PSEN1: variants seen among roughly 807,000 people sequenced by gnomAD.
The protein encoded by PSEN1 is presenilin-1.
In PSEN1, 15 loss-of-function variants were observed where a neutral mutation model predicts 53.5. The ratio of observed to expected loss-of-function variants is 0.28; its 90% CI spans 0.19 to 0.43. The LOEUF (loss-of-function observed/expected upper bound fraction) is 0.43. Among genes scored for constraint, PSEN1 ranks in the 20% least tolerant of loss-of-function variants. PSEN1 has a pLI of 1.00. For missense variants in PSEN1, 387 were observed against 571.2 expected (o/e 0.68, Z 3.29); for synonymous variants, 208 against 209.8 (o/e 0.99, Z 0.08).
chr14:73,210,151 A>G (rs1336760145), intron 9 of PSEN1, among the ~76,000 whole-genome samples: 1 of 152,212 alleles, frequency 6.6e-6, no homozygotes, highest in East Asian at 1.9e-4. Context: ...AAGAACTGAG[A>G]GATTACCTGA....
intron 3 of PSEN1, among the ~76,000 whole-genome samples, chr14:73,151,894 A>ATTTTTT (rs56754992): frequency 7.7e-5 from 3 of 38,976 alleles, no homozygotes; most frequent in Non-Finnish European, 1.2e-4. Flanking sequence ...ATATATATAT[A>ATTTTTT]TTTTTTTTTT....
intron 5 of PSEN1, among the ~76,000 whole-genome samples, chr14:73,176,153 A>G (rs1283579121): frequency 1.3e-5 from 2 of 152,248 alleles, no homozygotes; most frequent in African/African-American, 2.4e-5. Flanking sequence ...ATGTATGGAG[A>G]CCATTAAAGA....
chr14:73,192,704 G>C lies in PSEN1; in HGVS notation c.609G>C (p.Trp203Cys), dbSNP rs1384308168. Residue 203 changes from tryptophan to cysteine, a missense_variant, in exon 7 of 12, where the codon TGG becomes TGC. By Grantham distance (215) the Trp-to-Cys change is radical (BLOSUM62 -2). Transcript: ENST00000324501. Reference sequence around the variant, plus strand: ...ACATTACTGTTGCACTCCTGATCTGGAATTTTGGTGTGGTGGGAATGATTT... The same window carrying C: ...ACATTACTGTTGCACTCCTGATCTGCAATTTTGGTGTGGTGGGAATGATTT... The part of the protein sequence containing the change: ...VDYITVALLI[W>C]NFGVVGMISI... The C allele has an allele frequency of 1.2e-6, 2 of 1,614,050 alleles. No homozygotes were observed. The highest frequency in any genetic ancestry group is 1.7e-6 in the Non-Finnish European group (2 of 1,179,998).
intron 8 of PSEN1, among the ~76,000 whole-genome samples, chr14:73,204,805 G>A (rs12433115): frequency 6.6e-6 from 1 of 152,128 alleles, no homozygotes; most frequent in Non-Finnish European, 1.5e-5. Flanking sequence ...GGGAGGCTGA[G>A]GCGGGAGGAT....
At chr14:73,154,224 C>T (rs1313603595) in intron 3 of PSEN1, among the ~76,000 whole-genome samples, 1 of 152,102 alleles carries the variant, frequency 6.6e-6, no homozygotes, top group African/African-American at 2.4e-5. Flanking sequence ...AAAACGTTAG[C>T]ATTTGGGGTG....
At chr14:73,197,545 C>T (rs1321710782) in intron 7 of PSEN1, among the ~76,000 whole-genome samples, 1 of 152,172 alleles carries the variant, frequency 6.6e-6, no homozygotes, top group Non-Finnish European at 1.5e-5. Context: ...TGAATTTCTT[C>T]TACTCTGCTC....
intron 3 of PSEN1, among the ~76,000 whole-genome samples, chr14:73,167,481 C>A (rs1296958895): frequency 1.3e-5 from 2 of 152,142 alleles, no homozygotes; most frequent in Non-Finnish European, 2.9e-5. Context: ...GGATACTGAA[C>A]CTTTAATCCA....
rs568814612 is a variant in PSEN1 at position 73,211,676 on chromosome 14, A to G, written c.956-93A>G. 7 of 1,395,010 alleles carry G rather than the reference A, an allele frequency of 5.0e-6. No homozygotes were observed. The Admixed American group carries it at 8.7e-5, about 17-fold the overall frequency. The allele number at this position is 1,395,010 out of a possible 1,614,324, so 86.4% of individuals were successfully genotyped here. ...TTTGTGGTTTAAGGGCCAGCTAGTT[A>G]CAATGACAGCTAGTTACTGTTTCCA... On this transcript the variant is annotated intron_variant, in intron 9 of 11. Transcript: ENST00000324501.
At chr14:73,213,979 G>GT (rs1899806368) in intron 10 of PSEN1, among the ~76,000 whole-genome samples, 1 of 152,066 alleles carries the variant, frequency 6.6e-6, no homozygotes, top group South Asian at 2.1e-4. Flanking sequence ...CTACTCCTAG[G>GT]TATATACTCA....
At chr14:73,147,720 T>C (rs1897111780) in intron 1 of PSEN1, 75 bp from the exon 2 acceptor site, 1 of 394,080 alleles carries the variant, frequency 2.5e-6, no homozygotes, top group Non-Finnish European at 4.8e-6. Context: ...ATTGGTCTTA[T>C]AAGTATTTGA....
At position 73,219,455 on chromosome 14, in the gene PSEN1, T is replaced by A. The variant is rs192302611; in HGVS notation, c.*166T>A. The A allele has an allele frequency of 2.1e-4, 160 of 777,328 alleles. No individual in the cohort carries two copies. In the African/African-American group the frequency reaches 2.5e-3, roughly 12 times the overall value. The allele number at this position is 777,328 out of a possible 1,614,324, so 48.2% of individuals were successfully genotyped here. On this transcript the variant is annotated 3_prime_UTR_variant, in exon 12 of 12. Transcript: ENST00000324501. ...CCTGACCACCTTGCACTATTGGACTTTGGAAGGAGGTGCCTATAGAAAACG... is the reference window on the plus strand; with the variant it reads ...CCTGACCACCTTGCACTATTGGACTATGGAAGGAGGTGCCTATAGAAAACG...
intron 5 of PSEN1, among the ~76,000 whole-genome samples, chr14:73,185,353 C>T (rs1159453839): frequency 5.9e-5 from 9 of 152,136 alleles, no homozygotes; most frequent in African/African-American, 1.9e-4. Flanking sequence ...TCTGCAATCC[C>T]GGCACCTCGG....
At position 73,147,969 on chromosome 14, in the gene PSEN1, C is replaced by T. The variant is rs746347339; in HGVS notation, c.-51C>T. On this transcript the variant is annotated splice_region_variant and 5_prime_UTR_variant, in exon 3 of 12. Transcript: ENST00000324501. ...TCTGTTTTTCTTTCCCTTTTCAGAA[C>T]CTCAAGAGGCTTTGTTTTCTGTGAA... 2 of 1,443,800 alleles carry T rather than the reference C, an allele frequency of 1.4e-6. No homozygotes were observed. Among genetic ancestry groups the T allele is most frequent in the African/African-American group, 1.4e-5 (1 of 71,294 alleles). 89.4% of individuals were successfully genotyped at this position (1,443,800 alleles called of 1,614,324 possible). A position where few individuals can be genotyped will look rare whatever the true frequency, so the allele number is the denominator to read the frequency against.
intron 7 of PSEN1, among the ~76,000 whole-genome samples, chr14:73,194,566 C>CTTT (rs34315326): frequency 7.8e-6 from 1 of 128,772 alleles, no homozygotes; most frequent in South Asian, 2.6e-4. Flanking sequence ...TGGCCATACA[C>CTTT]TTTTTTTTTT....
At chr14:73,152,441 A>G (rs1837048841) in intron 3 of PSEN1, among the ~76,000 whole-genome samples, 1 of 117,884 alleles carries the variant, frequency 8.5e-6, no homozygotes, top group Non-Finnish European at 1.7e-5. Flanking sequence ...TTCTACTAAG[A>G]AAAAAAAAAA....
At chr14:73,202,473 T>C (rs1899265865) in intron 8 of PSEN1, among the ~76,000 whole-genome samples, 1 of 62,336 alleles carries the variant, frequency 1.6e-5, no homozygotes, top group Non-Finnish European at 3.2e-5. Flanking sequence ...TTTTTTTTTT[T>C]TTTTTTTTTT....
Position 73,222,602 on chromosome 14 carries a change from G to A in PSEN1, c.*3313G>A, listed in dbSNP as rs375314975. 1 of 152,208 alleles carries A rather than the reference G, an allele frequency of 6.6e-6. No homozygotes were observed. Among genetic ancestry groups the A allele is most frequent in the East Asian group, 1.9e-4 (1 of 5,204 alleles). 9.4% of individuals were successfully genotyped at this position (152,208 alleles called of 1,614,324 possible). ...TGAAAAAATTTGTTCAGTGTTTTCT[G>A]TGTTCCCGTAGGTTCTGGAGTCTGA... On this transcript the variant is annotated 3_prime_UTR_variant, in exon 12 of 12. Transcript: ENST00000324501.
At chr14:73,166,090 T>A (rs991882027) in intron 3 of PSEN1, among the ~76,000 whole-genome samples, 12 of 152,024 alleles carry the variant, frequency 7.9e-5, no homozygotes, top group African/African-American at 2.9e-4. Context: ...ATAAAAGTAG[T>A]ATCCAGCGTA....
At chr14:73,195,374 T>C (rs2140099309) in intron 7 of PSEN1, among the ~76,000 whole-genome samples, 1 of 152,172 alleles carries the variant, frequency 6.6e-6, no homozygotes, top group Non-Finnish European at 1.5e-5. Context: ...GGTTTTGCCA[T>C]GTTGGCCAGG....
Sources: allele counts gnomAD v4.1 joint callset (sites outside exome capture counted in the v4.1 genomes callset), GRCh38; gene constraint gnomAD v4.1.1; transcripts MANE v1.5; gene names NCBI Gene and HGNC (gene_info 2026-07-23, HGNC 2026-07-21).